The following PHKB variants were observed in gnomAD, a reference collection of about 807,000 sequenced individuals.
The protein encoded by PHKB is phosphorylase kinase regulatory subunit beta.
PHKB carries 122 observed loss-of-function variants against 152.1 expected under a neutral mutation model. That is an observed-to-expected ratio of 0.80 (90% CI 0.69 to 0.93). The LOEUF is 0.93. Among genes scored for constraint, PHKB ranks in the 40% least tolerant of loss-of-function variants. The probability of loss-of-function intolerance (pLI) is 0.00; values close to 1 mark genes in which losing one functional copy is unlikely to be tolerated. For synonymous variants in PHKB, 436 were observed against 464.9 expected (o/e 0.94, Z 0.80); for missense variants, 1,304 against 1,328.4 (o/e 0.98, Z 0.29).
rs929445755 is a variant in PHKB at position 47,498,147 on chromosome 16, G to A, written c.166+659G>A. Among the ~76,000 whole-genome samples, 4 of 152,106 alleles carry A rather than the reference G, an allele frequency of 2.6e-5. No individual in the cohort carries two copies. The South Asian group carries it at 8.3e-4, about 32-fold the overall frequency. On this transcript the variant is annotated intron_variant, in intron 2 of 30. Transcript: ENST00000323584. The stretch of plus-strand genomic sequence containing the variant: ...TAAAATTTGATTTCTCTCCCCCTAA[G>A]ATGATGGATTTTTTGGTCTATTTCA...
intron 12 of PHKB, among the ~76,000 whole-genome samples, chr16:47,595,440 C>T (rs1391368033): frequency 6.6e-6 from 1 of 152,126 alleles, no homozygotes; most frequent in Admixed American, 6.5e-5. Context: ...ATTATTTTCC[C>T]ATTATATCAT....
intron 13 of PHKB, among the ~76,000 whole-genome samples, chr16:47,609,868 T>C (rs1347905105): frequency 2.6e-5 from 4 of 152,186 alleles, no homozygotes; most frequent in Non-Finnish European, 4.4e-5. Flanking sequence ...GAAACTACTT[T>C]TGATTTTCTT....
chr16:47,638,941 T>C (rs1972968432), intron 14 of PHKB, among the ~76,000 whole-genome samples: 1 of 152,174 alleles, frequency 6.6e-6, no homozygotes, highest in Non-Finnish European at 1.5e-5. Context: ...TAGTTACTAT[T>C]AGGAAATTAA....
chr16:47,560,012 G>C (rs1253682084), intron 7 of PHKB, among the ~76,000 whole-genome samples: 1 of 152,152 alleles, frequency 6.6e-6, no homozygotes, highest in African/African-American at 2.4e-5. Context: ...TTTAACCTGT[G>C]GAAGCAAGTA....
chr16:47,592,836 T>C (rs28597108), intron 10 of PHKB, among the ~76,000 whole-genome samples: 17,901 of 152,098 alleles, frequency 0.12, 2,311 homozygotes, highest in African/African-American at 0.32. Context: ...AATAATAAGA[T>C]CTGAGGAAAA....
chr16:47,491,713 C>A (rs1411524386), intron 1 of PHKB, among the ~76,000 whole-genome samples: 1 of 152,086 alleles, frequency 6.6e-6, no homozygotes, highest in Non-Finnish European at 1.5e-5. Context: ...TTCTGATACT[C>A]CCAAAAGTAA....
At chr16:47,547,380 G>T in intron 6 of PHKB, 53 bp from the exon 7 acceptor site, 1 of 1,103,716 alleles carries the variant, frequency 9.1e-7, no homozygotes, top group Admixed American at 1.7e-5. Context: ...ACCACACCCG[G>T]CCTATGTCCT....
intron 7 of PHKB, among the ~76,000 whole-genome samples, chr16:47,554,118 G>T (rs1020441606): frequency 6.6e-6 from 1 of 152,152 alleles, no homozygotes; most frequent in Non-Finnish European, 1.5e-5. Context: ...CTGAAGCTGC[G>T]CCCACAGCTG....
chr16:47,514,921 T>C (rs1322250014), intron 5 of PHKB, among the ~76,000 whole-genome samples: 1 of 152,236 alleles, frequency 6.6e-6, no homozygotes, highest in Non-Finnish European at 1.5e-5. Context: ...TTCATAAACA[T>C]GTTTTAAATT....
chr16:47,482,858 T>C (rs1475139884), intron 1 of PHKB, among the ~76,000 whole-genome samples: 1 of 151,256 alleles, frequency 6.6e-6, no homozygotes, highest in East Asian at 1.9e-4. Flanking sequence ...GTAACTGGGA[T>C]TGCAGGCACA....
Position 47,680,208 on chromosome 16 carries a change from A to G in PHKB, c.2631-8833A>G, listed in dbSNP as rs557393491. ...GAGGGTTTGTGCATCAATGTTCATCAAGGATATTGGTCTAAAATTCTCTTT... is the reference window on the plus strand; with the variant it reads ...GAGGGTTTGTGCATCAATGTTCATCGAGGATATTGGTCTAAAATTCTCTTT... On this transcript the variant is annotated intron_variant, in intron 26 of 30. Transcript: ENST00000323584. 2.6e-5 allele frequency among the ~76,000 whole-genome samples: 4 copies of G among 152,270 alleles called. 1 individual carries two copies. The Middle Eastern group carries it at 0.014, about 518-fold the overall frequency.
chr16:47,699,558 C>A lies in PHKB; in HGVS notation c.*192C>A. ...AACGGTAATGGTAAATGCTTTTAAT[C>A]AAGCAGGAAAAAGTTCTCATGATTA... On this transcript the variant is annotated 3_prime_UTR_variant, in exon 31 of 31. Coordinates refer to ENST00000323584, the MANE Select transcript of PHKB (RefSeq NM_000293.3). The A allele has an allele frequency of 1.5e-6, 1 of 662,632 alleles. No individual in the cohort carries two copies. Among genetic ancestry groups the A allele is most frequent in the Admixed American group, 2.3e-5 (1 of 43,668 alleles). 41.0% of individuals were successfully genotyped at this position (662,632 alleles called of 1,614,324 possible).
chr16:47,589,328 A>G (rs1971988804), intron 10 of PHKB, among the ~76,000 whole-genome samples: 1 of 152,248 alleles, frequency 6.6e-6, no homozygotes, highest in Non-Finnish European at 1.5e-5. Context: ...AAAAGTGCTT[A>G]GAATAGTGCT....
rs781510356 is a variant in PHKB, at chr16:47,693,499, T to A, written c.2887T>A (p.Leu963Met). 4 of 1,614,028 alleles carry A rather than the reference T, an allele frequency of 2.5e-6. No homozygotes were observed. The South Asian group carries it at 4.4e-5, about 18-fold the overall frequency. The stretch of plus-strand genomic sequence containing the variant: ...TGGGATCATTGTTGCTGGGAAGCAT[T>A]TGCCTCAGGTAAAGCCCCACCATGT... ...PNGIIVAGKH[L>M]PQQPTLSDMT... is the part of the protein sequence containing the mutation. The change falls in exon 28 of 31, where the codon TTG (leucine) becomes ATG (methionine). Residue 963 changes from leucine (L) to methionine (M), a missense_variant. By Grantham distance (15) the Leu-to-Met change is conservative. Transcript: ENST00000323584.
intron 14 of PHKB, among the ~76,000 whole-genome samples, chr16:47,628,359 C>T (rs1972750015): frequency 6.6e-6 from 1 of 152,028 alleles, no homozygotes; most frequent in Non-Finnish European, 1.5e-5. Context: ...GGCAAAACCC[C>T]GTCTCTACTA....
Position 47,497,407 on chromosome 16 carries a change from T to A in PHKB, c.85T>A (p.Tyr29Asn), listed in dbSNP as rs1429545195. 2 of 1,596,334 alleles carry A rather than the reference T, an allele frequency of 1.3e-6. No homozygotes were observed. Among genetic ancestry groups the A allele is most frequent in the Non-Finnish European group, 1.7e-6 (2 of 1,167,266 alleles). ...RARTKRSGSV[Y>N]EPLKSINLPR... ...TTTATTTTTTCTTTTAGGCTCAGTT[T>A]ATGAACCTCTTAAAAGCATTAATCT... Residue 29 changes from tyrosine to asparagine, a missense_variant, in exon 2 of 31, where the codon TAT (tyrosine) becomes AAT (asparagine). By Grantham distance (143) the Tyr-to-Asn change is moderately radical. Transcript: ENST00000323584.
Position 47,522,106 on chromosome 16 carries a change from T to G in PHKB, c.594+6505T>G, listed in dbSNP as rs368937128. ...CCAATAATGGACTCCTAGGATGGGT[T>G]AGGAAATGTTTCCTCTTCTATTTTT... On this transcript the variant is annotated intron_variant, in intron 6 of 30. Transcript: ENST00000323584. 3.3e-5 allele frequency among the ~76,000 whole-genome samples: 5 copies of G among 152,314 alleles called. No individual in the cohort carries two copies. In the East Asian group the frequency reaches 7.7e-4, roughly 23 times the overall value.
chr16:47,474,970 C>T lies in PHKB; in HGVS notation c.76+13544C>T, dbSNP rs534242150. Among the ~76,000 whole-genome samples, 12 of 152,188 alleles carry T rather than the reference C, an allele frequency of 7.9e-5. No homozygotes were observed. The East Asian group carries it at 1.9e-3, about 25-fold the overall frequency. On this transcript the variant is annotated intron_variant, in intron 1 of 30. Transcript: ENST00000323584. Reference sequence around the variant, plus strand: ...AACTCCTGATTTCAGGTGATCCTCCCGCCTCAGCCTCCCAGAGTGCTGGTA... The same window carrying T: ...AACTCCTGATTTCAGGTGATCCTCCTGCCTCAGCCTCCCAGAGTGCTGGTA...
rs535913259 is a variant in PHKB at position 47,508,631 on chromosome 16, A to G, written c.406-3034A>G. Among the ~76,000 whole-genome samples, 18 of 152,308 alleles carry G rather than the reference A, an allele frequency of 1.2e-4. No individual in the cohort carries two copies. The South Asian group carries it at 3.7e-3, about 32-fold the overall frequency. On this transcript the variant is annotated intron_variant, in intron 4 of 30. Coordinates refer to ENST00000323584, the MANE Select transcript of PHKB (RefSeq NM_000293.3). ...TGATAAACTGTTTATTCACAATAAT[A>G]AAAGTTTTCAGGAAAAATCTAAGCA...
Sources: allele counts gnomAD v4.1 joint callset (sites outside exome capture counted in the v4.1 genomes callset), GRCh38; gene constraint gnomAD v4.1.1; transcripts MANE v1.5; gene names NCBI Gene and HGNC (gene_info 2026-07-23, HGNC 2026-07-21).